Variants in SCN9A observed in about 807,000 individuals in gnomAD.
The protein encoded by SCN9A is sodium channel protein type 9 subunit alpha.
SCN9A carries 131 observed loss-of-function variants against 187.0 expected under a neutral mutation model. The observed-to-expected ratio is 0.70, with a 90% confidence interval of 0.61 to 0.81. The LOEUF (loss-of-function observed/expected upper bound fraction) is 0.81, where lower values mean the gene tolerates loss of function less well. SCN9A is among the 30% of genes least tolerant of loss of function. The pLI is 0.00. For synonymous variants in SCN9A, 809 were observed against 808.6 expected, an observed-to-expected ratio of 1.00 and a Z score of -0.01; for missense variants, 2,252 against 2,396.6, an observed-to-expected ratio of 0.94 and a Z score of 1.26.
chr2:166,351,914 T>A (rs1700042354), intron 1 of SCN9A, among the ~76,000 whole-genome samples: 1 of 152,134 alleles, frequency 6.6e-6, no homozygotes, highest in Admixed American at 6.5e-5. Flanking sequence ...CAATGATACT[T>A]GAAAAAATTT....
At chr2:166,366,608 C>G (rs1700423694) in intron 1 of SCN9A, among the ~76,000 whole-genome samples, 1 of 152,188 alleles carries the variant, frequency 6.6e-6, no homozygotes, top group South Asian at 2.1e-4. Context: ...TACATTCCCA[C>G]CAACAGTGGA....
chr2:166,291,030 A>T (rs1432409476), intron 9 of SCN9A, among the ~76,000 whole-genome samples: 2 of 152,214 alleles, frequency 1.3e-5, no homozygotes, highest in African/African-American at 2.4e-5. Flanking sequence ...CAAGACAAGG[A>T]TGCCCTCTCT....
In SCN9A at chr2:166,366,054, C is replaced by G. The variant is rs78863850; in HGVS notation, c.-51+9643G>C. ...CTGGAGGGACTCAGCAGCCGCTTAC[C>G]ACTGCCCTTGGGATCTCTGCCAGGT... On this transcript the variant is annotated intron_variant, in intron 1 of 26. Coordinates refer to ENST00000642356, the MANE Select transcript of SCN9A (RefSeq NM_001365536.1). Among the ~76,000 whole-genome samples, 1,090 of 152,228 alleles carry G rather than the reference C, an allele frequency of 7.2e-3. 9 individuals carry two copies. Among genetic ancestry groups the G allele is most frequent in the Non-Finnish European group, 0.011 (774 of 68,004 alleles).
chr2:166,217,821 T>C (rs1694401301), intron 24 of SCN9A, among the ~76,000 whole-genome samples: 1 of 152,002 alleles, frequency 6.6e-6, no homozygotes, highest in Non-Finnish European at 1.5e-5. Flanking sequence ...CCAAAACAAA[T>C]ACAATTACCA....
chr2:166,251,985 T>C (rs1323299451), intron 17 of SCN9A, 100 bp from the exon 18 acceptor site: 16 of 1,353,788 alleles, frequency 1.2e-5, no homozygotes, highest in Non-Finnish European at 1.6e-5. Flanking sequence ...CAAAGTATTA[T>C]GAAAAAAGAT....
chr2:166,272,298 A>G, intron 17 of SCN9A, 101 bp downstream of exon 17: 3 of 773,512 alleles, frequency 3.9e-6, no homozygotes, highest in Non-Finnish European at 6.0e-6. Flanking sequence ...CCATCACTAC[A>G]TGCAATGTTA....
intron 24 of SCN9A, among the ~76,000 whole-genome samples, chr2:166,222,972 A>C (rs34599193): frequency 1.2e-4 from 16 of 133,440 alleles, no homozygotes; most frequent in African/African-American, 4.0e-4. Context: ...AAAAAAAAAA[A>C]CAGCAACAAA....
intron 21 of SCN9A, among the ~76,000 whole-genome samples, chr2:166,230,110 G>T (rs191686421): frequency 6.6e-6 from 1 of 152,030 alleles, no homozygotes; most frequent in Non-Finnish European, 1.5e-5. Flanking sequence ...TTATATCTCC[G>T]TTGCAACTAT....
intron 1 of SCN9A, among the ~76,000 whole-genome samples, chr2:166,365,380 GTTTTATGTTACC>G (rs1303562661): frequency 6.6e-6 from 1 of 151,804 alleles, no homozygotes; most frequent in East Asian, 1.9e-4. Flanking sequence ...TTTTTTTCTG[GTTTTATGTTACC>G]CATGTCCAGA....
At chr2:166,203,208 A>G (rs1021002076) in intron 26 of SCN9A, among the ~76,000 whole-genome samples, 3 of 151,850 alleles carry the variant, frequency 2.0e-5, no homozygotes, top group Non-Finnish European at 3.0e-5. Flanking sequence ...TGCAACCTTG[A>G]ACCTTTTCAG....
Position 166,257,232 on chromosome 2 carries a change from TA to T in SCN9A, c.3352-5348del, listed in dbSNP as rs1268548860. Among the ~76,000 whole-genome samples, 3 of 151,472 alleles carry T rather than the reference TA, an allele frequency of 2.0e-5. No individual in the cohort carries two copies. The Admixed American group carries it at 2.0e-4, about 10-fold the overall frequency. On this transcript the variant is annotated intron_variant, in intron 17 of 26. Transcript: ENST00000642356. ...AACAATTTTGCTATTTATGCCAGCT[TA>T]AAAAAATGCAACAAGTAGGTAAAGA...
At chr2:166,286,062 T>C (rs1486166237) in intron 11 of SCN9A, among the ~76,000 whole-genome samples, 1 of 152,212 alleles carries the variant, frequency 6.6e-6, no homozygotes, top group East Asian at 1.9e-4. Flanking sequence ...TCTTTATTTC[T>C]ACAATGGTTC....
intron 1 of SCN9A, among the ~76,000 whole-genome samples, chr2:166,371,827 T>C (rs1451940919): frequency 6.6e-6 from 1 of 152,134 alleles, no homozygotes; most frequent in East Asian, 1.9e-4. Flanking sequence ...ATATGTCCTC[T>C]TCAGAGCAAA....
chr2:166,337,913 T>C (rs1699668710), intron 1 of SCN9A, among the ~76,000 whole-genome samples: 2 of 152,132 alleles, frequency 1.3e-5, no homozygotes, highest in African/African-American at 4.8e-5. Flanking sequence ...ACCTCTATTA[T>C]TGTTATTATC....
intron 24 of SCN9A, among the ~76,000 whole-genome samples, chr2:166,220,612 A>G (rs1430467486): frequency 6.6e-6 from 1 of 152,190 alleles, no homozygotes; most frequent in Non-Finnish European, 1.5e-5. Flanking sequence ...TAAATTACCC[A>G]GTCTGTGGTA....
At chr2:166,370,073 T>C (rs1175900740) in intron 1 of SCN9A, among the ~76,000 whole-genome samples, 1 of 151,944 alleles carries the variant, frequency 6.6e-6, no homozygotes, top group African/African-American at 2.4e-5. Context: ...TTCTAAAGTA[T>C]AGACTCTCAA....
rs201353462 is a variant in SCN9A at position 166,196,809 on chromosome 2, A to G, written c.*1863T>C. 12 of 152,148 alleles carry G rather than the reference A, an allele frequency of 7.9e-5. No individual in the cohort carries two copies. The highest frequency in any genetic ancestry group is 2.2e-4 in the African/African-American group (9 of 41,466). 9.4% of individuals were successfully genotyped at this position (152,148 alleles called of 1,614,324 possible). A position where few individuals can be genotyped will look rare whatever the true frequency, so the allele number is the denominator to read the frequency against. Reference sequence around the variant, plus strand: ...AATTAAAAAGTGGTTCAAATAGCCTAAGATGAATGAACCTAAGATGGTATA... The same window carrying G: ...AATTAAAAAGTGGTTCAAATAGCCTGAGATGAATGAACCTAAGATGGTATA... On this transcript the variant is annotated 3_prime_UTR_variant, in exon 27 of 27. Transcript: ENST00000642356.
At position 166,197,136 on chromosome 2, in the gene SCN9A, ATCT is replaced by A. The variant is rs1225496105; in HGVS notation, c.*1533_*1535del. ...ATTTGCTTCAAAACCTCCCACAAAAATCTTCTAAGTAAAACTACATTCTACCTG... is the reference window on the plus strand; with the variant it reads ...ATTTGCTTCAAAACCTCCCACAAAAATCTAAGTAAAACTACATTCTACCTG... On this transcript the variant is annotated 3_prime_UTR_variant, in exon 27 of 27. Coordinates refer to ENST00000642356, the MANE Select transcript of SCN9A (RefSeq NM_001365536.1). The A allele has an allele frequency of 6.6e-6, 1 of 152,052 alleles. No individual in the cohort carries two copies. The highest frequency in any genetic ancestry group is 1.5e-5 in the Non-Finnish European group (1 of 67,954). The allele number at this position is 152,052 out of a possible 1,614,324, so 9.4% of individuals were successfully genotyped here. A position where few individuals can be genotyped will look rare whatever the true frequency, so the allele number is the denominator to read the frequency against.
At chr2:166,217,448 C>T (rs540577645) in intron 24 of SCN9A, among the ~76,000 whole-genome samples, 1 of 152,012 alleles carries the variant, frequency 6.6e-6, no homozygotes, top group East Asian at 1.9e-4. Context: ...AAAATATCTG[C>T]AAACCATACA....
Sources: allele counts gnomAD v4.1 joint callset (sites outside exome capture counted in the v4.1 genomes callset), GRCh38; gene constraint gnomAD v4.1.1; transcripts MANE v1.5; gene names NCBI Gene and HGNC (gene_info 2026-07-23, HGNC 2026-07-21).